Variants in RNF150 observed in about 807,000 individuals in gnomAD.
RNF150 encodes ring finger protein 150.
In RNF150, 24 loss-of-function variants were observed where a neutral mutation model predicts 39.3. That is an observed-to-expected ratio of 0.61 (90% CI 0.44 to 0.86). The LOEUF is 0.86. RNF150 is among the 40% of genes least tolerant of loss of function. The probability of loss-of-function intolerance (pLI) is 0.00; values close to 1 mark genes in which losing one functional copy is unlikely to be tolerated. For missense variants in RNF150, 502 were observed against 587.8 expected (o/e 0.85, Z 1.51); for synonymous variants, 255 against 227.3 (o/e 1.12, Z -1.10).
chr4:140,881,285 C>T (rs1335804495), intron 6 of RNF150, among the ~76,000 whole-genome samples: 1 of 152,070 alleles, frequency 6.6e-6, no homozygotes, highest in South Asian at 2.1e-4. Context: ...ACTTCAGCCT[C>T]TCAAGTAGCT....
chr4:141,072,944 A>G (rs1404915094), intron 1 of RNF150, among the ~76,000 whole-genome samples: 1 of 152,094 alleles, frequency 6.6e-6, no homozygotes, highest in Non-Finnish European at 1.5e-5. Flanking sequence ...ACCTCATGCT[A>G]TATTTGTCAG....
At chr4:141,134,691 T>G (rs370423805), upstream of RNF150, among the ~76,000 whole-genome samples, 2 of 152,350 alleles carry the variant, frequency 1.3e-5, no homozygotes, top group East Asian at 3.9e-4. Flanking sequence ...TGAATTTGTA[T>G]GTGTTCCTAG....
chr4:141,207,135 T>C (rs6537037), intron 1 of RNF150, among the ~76,000 whole-genome samples: 93,528 of 152,056 alleles, frequency 0.62, 31,323 homozygotes, highest in African/African-American at 0.88. Context: ...TGTCAATCTC[T>C]TCTGACAACA....
At chr4:140,959,183 G>C (rs1234264980) in intron 2 of RNF150, among the ~76,000 whole-genome samples, 1 of 152,094 alleles carries the variant, frequency 6.6e-6, no homozygotes, top group Non-Finnish European at 1.5e-5. Flanking sequence ...TTAAGACTCT[G>C]ATTCTACTTC....
intron 5 of RNF150, among the ~76,000 whole-genome samples, chr4:140,922,276 G>T (rs28868595): frequency 6.7e-6 from 1 of 150,044 alleles, no homozygotes; most frequent in East Asian, 2.0e-4. Context: ...CGAAGTCTCA[G>T]GACATAAAAT....
At chr4:141,086,166 T>G (rs1018212938) in intron 1 of RNF150, among the ~76,000 whole-genome samples, 1 of 152,062 alleles carries the variant, frequency 6.6e-6, no homozygotes, top group African/African-American at 2.4e-5. Flanking sequence ...GCTTACCCCA[T>G]GCTCTCTCTA....
intron 1 of RNF150, among the ~76,000 whole-genome samples, chr4:140,973,661 G>C (rs1579018006): frequency 6.6e-6 from 1 of 152,092 alleles, no homozygotes; most frequent in African/African-American, 2.4e-5. Context: ...CGGATCACCT[G>C]AGGTCAGGAG....
chr4:140,958,450 G>T (rs906728669), intron 2 of RNF150, among the ~76,000 whole-genome samples: 1 of 152,102 alleles, frequency 6.6e-6, no homozygotes, highest in Non-Finnish European at 1.5e-5. Flanking sequence ...CATTGAGGTG[G>T]CTTCGTCTGG....
chr4:140,963,147 T>C (rs894288122), intron 2 of RNF150, among the ~76,000 whole-genome samples: 1 of 152,058 alleles, frequency 6.6e-6, no homozygotes, highest in Admixed American at 6.6e-5. Context: ...GCATGTATCA[T>C]TTTGAGAATC....
At chr4:141,017,849 T>C (rs545711006) in intron 1 of RNF150, among the ~76,000 whole-genome samples, 2 of 152,324 alleles carry the variant, frequency 1.3e-5, no homozygotes, top group East Asian at 3.9e-4. Context: ...TTGTTAGTGC[T>C]GAAAAATATT....
intron 6 of RNF150, among the ~76,000 whole-genome samples, chr4:140,888,688 G>A (rs776494090): frequency 3.9e-5 from 6 of 152,190 alleles, no homozygotes; most frequent in Non-Finnish European, 7.4e-5. Flanking sequence ...CCCTGCAGAT[G>A]GAAACCACAG....
At chr4:140,928,303 T>C (rs1001624596) in intron 4 of RNF150, among the ~76,000 whole-genome samples, 1 of 152,024 alleles carries the variant, frequency 6.6e-6, no homozygotes, top group Non-Finnish European at 1.5e-5. Flanking sequence ...GTTGGGGTGT[T>C]CAGGGAAGGG....
intron 1 of RNF150, among the ~76,000 whole-genome samples, chr4:141,123,295 T>C (rs1179143269): frequency 6.6e-6 from 1 of 152,182 alleles, no homozygotes; most frequent in Non-Finnish European, 1.5e-5. Context: ...TGCCCCACTC[T>C]TGTGGAGCTT....
At chr4:141,102,207 T>TA (rs1410980922) in intron 1 of RNF150, among the ~76,000 whole-genome samples, 1 of 152,164 alleles carries the variant, frequency 6.6e-6, no homozygotes, top group Non-Finnish European at 1.5e-5. Flanking sequence ...GGCATATAAA[T>TA]AAAACCACAT....
rs764316446 is a variant in RNF150 at position 140,864,899 on chromosome 4, A to G, written c.*3362T>C. The G allele has an allele frequency of 1.3e-5, 2 of 152,238 alleles. No homozygotes were observed. Among genetic ancestry groups the G allele is most frequent in the Non-Finnish European group, 2.9e-5 (2 of 68,050 alleles). 9.4% of individuals were successfully genotyped at this position (152,238 alleles called of 1,614,324 possible). The stretch of plus-strand genomic sequence containing the variant: ...TTAGAAAGTTCAAGCAGAAATTTTA[A>G]AAAGGGTGCCTGAATCTTTATTCAC... On this transcript the variant is annotated 3_prime_UTR_variant, in exon 7 of 7. Transcript: ENST00000515673.
chr4:141,070,446 C>T (rs990657800), intron 1 of RNF150, among the ~76,000 whole-genome samples: 1 of 147,620 alleles, frequency 6.8e-6, no homozygotes, highest in Non-Finnish European at 1.5e-5. Flanking sequence ...GAACAGGCAA[C>T]CTACAAAATG....
chr4:141,105,806 C>T (rs1739176090), intron 1 of RNF150, among the ~76,000 whole-genome samples: 1 of 152,178 alleles, frequency 6.6e-6, no homozygotes. Flanking sequence ...AATCTCCAGA[C>T]TATTGTTATT....
intron 1 of RNF150, among the ~76,000 whole-genome samples, chr4:140,987,818 A>G (rs1276317312): frequency 6.6e-6 from 1 of 152,226 alleles, no homozygotes; most frequent in Non-Finnish European, 1.5e-5. Flanking sequence ...CAGAGTAAAC[A>G]GACAACCTAC....
intron 6 of RNF150, among the ~76,000 whole-genome samples, chr4:140,893,355 G>A (rs529197906): frequency 1.3e-5 from 2 of 152,170 alleles, no homozygotes; most frequent in Non-Finnish European, 2.9e-5. Context: ...GGGAAAATCT[G>A]AAGATATCAT....
Sources: gnomAD v4.1 joint callset for allele counts (sites outside exome capture counted in the v4.1 genomes callset) on GRCh38, gnomAD v4.1.1 for gene constraint, MANE v1.5 for transcripts, NCBI Gene and HGNC (gene_info 2026-07-23, HGNC 2026-07-21) for gene names.